Variants in MRTFB observed in about 807,000 individuals in gnomAD.
MRTFB encodes the protein myocardin related transcription factor B.
MRTFB carries 29 observed loss-of-function variants against 104.2 expected under a neutral mutation model. The ratio of observed to expected loss-of-function variants is 0.28; its 90% CI spans 0.21 to 0.38. The LOEUF (loss-of-function observed/expected upper bound fraction) is 0.38. Among genes scored for constraint, MRTFB ranks in the 10% least tolerant of loss-of-function variants. The pLI is 1.00. For synonymous variants in MRTFB, 535 were observed against 519.5 expected, an observed-to-expected ratio of 1.03 and a Z score of -0.41; for missense variants, 1,270 against 1,341.6, an observed-to-expected ratio of 0.95 and a Z score of 0.83.
intron 3 of MRTFB, 101 bp from the exon 4 acceptor site, chr16:14,210,142 G>A (rs537317275): frequency 3.8e-6 from 3 of 779,476 alleles, no homozygotes; most frequent in Admixed American, 5.1e-5. Flanking sequence ...TTGTGAAATA[G>A]AAGATGCTTG....
chr16:14,022,772 C>G, the MRTFB span, among the ~76,000 whole-genome samples: 1 of 114,986 alleles, frequency 8.7e-6, no homozygotes, highest in African/African-American at 3.5e-5. Flanking sequence ...TTTTTTGAGA[C>G]AAGGTCTCAC....
intron 3 of MRTFB, chr16:14,143,661 C>T (rs1435697074): frequency 1.3e-5 from 2 of 151,988 alleles, no homozygotes; most frequent in African/African-American, 2.4e-5. Flanking sequence ...TCCCTCCCCC[C>T]GGCACTGAAA....
intron 3 of MRTFB, among the ~76,000 whole-genome samples, chr16:14,185,492 T>C (rs1028828039): frequency 2.6e-5 from 4 of 152,216 alleles, no homozygotes; most frequent in Non-Finnish European, 4.4e-5. Context: ...AGAGAACTTA[T>C]TTAGTTGCTC....
chr16:14,232,638 A>G (rs1193932592), intron 8 of MRTFB, among the ~76,000 whole-genome samples: 2 of 152,234 alleles, frequency 1.3e-5, no homozygotes, highest in African/African-American at 4.8e-5. Flanking sequence ...TCAGGGAGCG[A>G]GAGAGCTGAC....
chr16:14,082,244 A>G (rs559770436), intron 2 of MRTFB, among the ~76,000 whole-genome samples: 2 of 152,304 alleles, frequency 1.3e-5, no homozygotes, highest in East Asian at 3.9e-4. Flanking sequence ...GTCTGATTTC[A>G]TTCTCCTGCA....
the MRTFB span, among the ~76,000 whole-genome samples, chr16:14,051,298 T>G: frequency 6.6e-6 from 1 of 150,602 alleles, no homozygotes; most frequent in African/African-American, 2.5e-5. Context: ...ACACACACCA[T>G]AGACGTACAG....
chr16:14,033,267 C>T, the MRTFB span, among the ~76,000 whole-genome samples: 3 of 151,870 alleles, frequency 2.0e-5, no homozygotes, highest in Non-Finnish European at 1.5e-5. Flanking sequence ...AAACATAGGT[C>T]GGGTGCAGAG....
intron 10 of MRTFB, chr16:14,240,699 AT>A: frequency 1.2e-6 from 1 of 867,598 alleles, no homozygotes; most frequent in Non-Finnish European, 2.0e-6. Context: ...TAGGTTCTGA[AT>A]TTTTACAAGT....
At position 14,143,662 on chromosome 16, in the gene MRTFB, G is replaced by A. The variant is rs187103891; in HGVS notation, c.154+2902G>A. 3 of 151,712 alleles carry A rather than the reference G, an allele frequency of 2.0e-5. No homozygotes were observed. The East Asian group carries it at 5.8e-4, about 29-fold the overall frequency. 9.4% of individuals were successfully genotyped at this position (151,712 alleles called of 1,614,324 possible). Reference sequence around the variant, plus strand: ...ATCTCCAAATGCTATCCCTCCCCCCGGCACTGAAAATTTCATGTCTAAATC... The same window carrying A: ...ATCTCCAAATGCTATCCCTCCCCCCAGCACTGAAAATTTCATGTCTAAATC... On this transcript the variant is annotated intron_variant, in intron 3 of 16. Coordinates refer to ENST00000571589, the MANE Select transcript of MRTFB (RefSeq NM_001308142.2).
the MRTFB span, among the ~76,000 whole-genome samples, chr16:14,031,335 A>G: frequency 1.3e-5 from 2 of 151,766 alleles, no homozygotes; most frequent in African/African-American, 2.4e-5. Context: ...AGGAGGTTGC[A>G]GTGAGCCGAG....
Position 14,161,085 on chromosome 16 carries a change from C to CTTTTTT in MRTFB, c.154+20346_154+20351dup, listed in dbSNP as rs57360069. Among the ~76,000 whole-genome samples the CTTTTTT allele has an allele frequency of 3.8e-4, 20 of 53,126 alleles. 2 individuals are homozygous for CTTTTTT. The highest frequency in any genetic ancestry group is 1.5e-3 in the East Asian group (2 of 1,348). The allele number at this position is 53,126 out of a possible 152,430, so 34.9% of individuals were successfully genotyped here. ...TCTGTTTTAGTAGGTAATGCCAGGA[C>CTTTTTT]TTTTTTTTTTTTTTTTTTTTTTTTT... On this transcript the variant is annotated intron_variant, in intron 3 of 16. Transcript: ENST00000571589.
At chr16:14,076,853 G>C (rs142429942) in intron 1 of MRTFB, among the ~76,000 whole-genome samples, 10 of 152,320 alleles carry the variant, frequency 6.6e-5, no homozygotes, top group Non-Finnish European at 1.5e-4. Context: ...ATAACTCCAT[G>C]TAGTTTTAAT....
At chr16:14,092,697 A>G (rs1036753287) in intron 2 of MRTFB, 7 of 152,218 alleles carry the variant, frequency 4.6e-5, no homozygotes, top group African/African-American at 7.2e-5. Flanking sequence ...GACTCATGGG[A>G]TGAAACTTTG....
At chr16:14,248,876 A>G (rs772042848) in intron 12 of MRTFB, 50 bp from the exon 13 acceptor site, 6 of 1,594,456 alleles carry the variant, frequency 3.8e-6, no homozygotes, top group East Asian at 2.2e-5. Context: ...TCTGATTTCT[A>G]ACTTTGATTC....
At chr16:14,141,095 T>C (rs967259429) in intron 3 of MRTFB, 1 of 225,572 alleles carries the variant, frequency 4.4e-6, no homozygotes, top group African/African-American at 2.3e-5. Context: ...ATTGTGGATA[T>C]GACTGCATTC....
chr16:14,017,218 G>A, the MRTFB span, among the ~76,000 whole-genome samples: 3 of 151,804 alleles, frequency 2.0e-5, no homozygotes, highest in Admixed American at 6.6e-5. Flanking sequence ...CACCACACCC[G>A]GCTAATTTTT....
chr16:14,205,141 T>C (rs939998932), intron 3 of MRTFB, among the ~76,000 whole-genome samples: 1 of 152,250 alleles, frequency 6.6e-6, no homozygotes, highest in Non-Finnish European at 1.5e-5. Context: ...ATGGTAACTC[T>C]AGTTGTGTCT....
intron 8 of MRTFB, among the ~76,000 whole-genome samples, chr16:14,224,098 C>G (rs759317820): frequency 2.0e-5 from 3 of 152,104 alleles, no homozygotes; most frequent in African/African-American, 7.2e-5. Flanking sequence ...AGAGAGCGAG[C>G]GAGCACAGGG....
the MRTFB span, among the ~76,000 whole-genome samples, chr16:14,011,917 G>A: frequency 2.0e-5 from 3 of 152,178 alleles, no homozygotes; most frequent in East Asian, 1.9e-4. Context: ...ACAGGCATTC[G>A]TTATTGTTAC....
Sources: gnomAD v4.1 joint callset for allele counts (sites outside exome capture counted in the v4.1 genomes callset) on GRCh38, gnomAD v4.1.1 for gene constraint, MANE v1.5 for transcripts, NCBI Gene and HGNC (gene_info 2026-07-23, HGNC 2026-07-21) for gene names.